Variants in MUC3A observed in about 807,000 individuals in gnomAD.
MUC3A encodes the protein mucin 3A, cell surface associated.
MUC3A carries 109 observed loss-of-function variants against 109.0 expected under a neutral mutation model. The observed-to-expected ratio is 1.00, with a 90% CI of 0.86 to 1.17. The LOEUF (loss-of-function observed/expected upper bound fraction) is 1.17, where lower values mean the gene tolerates loss of function less well. Among genes scored for constraint, MUC3A ranks in the 50% most tolerant of loss-of-function variants. The probability of loss-of-function intolerance (pLI) is 0.00; values close to 1 mark genes in which losing one functional copy is unlikely to be tolerated. For missense variants in MUC3A, 3,537 were observed against 2,469.4 expected, an observed-to-expected ratio of 1.43 and a Z score of -9.16; for synonymous variants, 1,398 against 981.4, an observed-to-expected ratio of 1.42 and a Z score of -7.93.
rs1302624661 is a variant in MUC3A at position 100,965,960 on chromosome 7, G to C, written c.9611+94G>C. The C allele has an allele frequency of 2.0e-6, 3 of 1,473,336 alleles. No homozygotes were observed. The African/African-American group carries it at 4.2e-5, about 21-fold the overall frequency. The allele number at this position is 1,473,336 out of a possible 1,614,324, so 91.3% of individuals were successfully genotyped here. A position where few individuals can be genotyped will look rare whatever the true frequency, so the allele number is the denominator to read the frequency against. Reference sequence around the variant, plus strand: ...ATGCTCCGCCCCGGCTCCGCGCCCTGGGCCTACAGTGGAGCCTCGTCCCCA... The same window carrying C: ...ATGCTCCGCCCCGGCTCCGCGCCCTCGGCCTACAGTGGAGCCTCGTCCCCA... On this transcript the variant is annotated intron_variant, in intron 8 of 11. Coordinates refer to ENST00000379458, the MANE Select transcript of MUC3A (RefSeq NM_005960.2).
intron 7 of MUC3A, 142 bp from the exon 8 acceptor site, chr7:100,965,562 C>T (rs1792504046): frequency 6.9e-7 from 1 of 1,450,890 alleles, no homozygotes; most frequent in Non-Finnish European, 9.2e-7. Context: ...GGCCTCCCCT[C>T]ATCGAATCCC....
rs760456981 is a variant in MUC3A, at chr7:100,952,568, C to G, written c.789C>G (p.Ile263Met). 3.8e-6 allele frequency: 6 copies of G among 1,598,484 alleles called. No individual in the cohort carries two copies. The African/African-American group carries it at 4.0e-5, about 11-fold the overall frequency. Residue 263 changes from isoleucine to methionine, a missense_variant, in exon 2 of 12, where the codon ATC becomes ATG. Ile to Met is a conservative substitution (Grantham distance 10, BLOSUM62 1). Coordinates refer to ENST00000379458, the MANE Select transcript of MUC3A (RefSeq NM_005960.2). Reference sequence around the variant, plus strand: ...CCACTTCCCCCATCACTTCTTCAATCACTTCCACAAATACAGTGACTTCTA... The same window carrying G: ...CCACTTCCCCCATCACTTCTTCAATGACTTCCACAAATACAGTGACTTCTA... ...VTSTSPITSS[I>M]TSTNTVTSMT...
chr7:100,958,634 C>T lies in MUC3A; in HGVS notation c.6855C>T (p.His2285=), dbSNP rs78805843. The change falls in exon 2 of 12, where the codon CAC becomes CAT. Residue 2285 remains histidine (H), a synonymous_variant. Transcript: ENST00000379458. ...TCACCACCAGTGAGACCCCCTCACA[C>T]AGTACTCCCAGCTCCACTTCTTTAA... ...SSITTSETPS[H]STPSSTSLIT... The T allele has an allele frequency of 3.3e-4, 401 of 1,210,012 alleles. 1 individual carries two copies. Among genetic ancestry groups the T allele is most frequent in the Non-Finnish European group, 4.2e-4 (393 of 946,370 alleles). 75.0% of individuals were successfully genotyped at this position (1,210,012 alleles called of 1,614,324 possible).
chr7:100,959,110 G>T lies in MUC3A; in HGVS notation c.7331G>T (p.Ser2444Ile). 1 of 1,241,968 alleles carries T rather than the reference G, an allele frequency of 8.1e-7. No individual in the cohort carries two copies. Among genetic ancestry groups the T allele is most frequent in the Non-Finnish European group, 1.0e-6 (1 of 993,420 alleles). The allele number at this position is 1,241,968 out of a possible 1,614,324, so 76.9% of individuals were successfully genotyped here. Residue 2444 changes from serine (S) to isoleucine (I), a missense_variant, in exon 2 of 12, where the codon AGT becomes ATT. Physicochemically the swap from Ser to Ile is moderately radical, Grantham distance 142. Coordinates refer to ENST00000379458, the MANE Select transcript of MUC3A (RefSeq NM_005960.2). ...ACCTCAGAGAGTACTCCCAGCCTCA[G>T]TTCTTCAACCATCTACTCCACAGTC... ...ETTSESTPSL[S>I]SSTIYSTVST... is the part of the protein sequence containing the mutation.
Position 100,952,959 on chromosome 7 carries a change from A to C in MUC3A, c.1180A>C (p.Ile394Leu). ...AAACTTGGTAACCACCACCACTGAG[A>C]TCTCCTCCCACAGTACTCCCAGCTT... ...MTNLVTTTTEISSHSTPSFSS... is the reference protein window; with the variant it reads ...MTNLVTTTTELSSHSTPSFSS... The change falls in exon 2 of 12, where the codon ATC becomes CTC. Residue 394 changes from isoleucine (I) to leucine (L), a missense_variant. Transcript: ENST00000379458. 2 of 1,565,618 alleles carry C rather than the reference A, an allele frequency of 1.3e-6. No individual in the cohort carries two copies. The highest frequency in any genetic ancestry group is 1.7e-6 in the Non-Finnish European group (2 of 1,165,284).
intron 3 of MUC3A, among the ~76,000 whole-genome samples, chr7:100,961,361 C>G: frequency 4.9e-5 from 1 of 20,614 alleles, no homozygotes; most frequent in African/African-American, 2.2e-4. Context: ...CATTTTTTTG[C>G]CCTTTGCAGC....
In MUC3A at chr7:100,959,520, C is replaced by T. The variant is rs1395723498; in HGVS notation, c.7741C>T (p.Pro2581Ser). ...TATACCTGAAACCCCAACACAGACC[C>T]CTCCTGTACTGACGTCAGCCACTGG... is the stretch of plus-strand genomic sequence containing the variant. Reference protein sequence around the residue: ...VVIPETPTQTPPVLTSATGTQ... With the variant: ...VVIPETPTQTSPVLTSATGTQ... Residue 2581 changes from proline (P) to serine (S), a missense_variant, in exon 2 of 12, where the codon CCT (proline) becomes TCT (serine). Physicochemically the swap from Pro to Ser is moderately conservative, Grantham distance 74. Transcript: ENST00000379458. The T allele has an allele frequency of 1.9e-6, 3 of 1,586,202 alleles. No individual in the cohort carries two copies. The highest frequency in any genetic ancestry group is 2.2e-5 in the East Asian group (1 of 44,810).
chr7:100,961,027 AC>A, intron 3 of MUC3A, 90 bp downstream of exon 3: 1 of 1,584,356 alleles, frequency 6.3e-7, no homozygotes, highest in South Asian at 1.1e-5. Context: ...GCCTGGAGGC[AC>A]CCATGCCTTT....
At chr7:100,963,865 G>T in intron 5 of MUC3A, 113 bp downstream of exon 5, 2 of 1,473,144 alleles carry the variant, frequency 1.4e-6, no homozygotes, top group Non-Finnish European at 1.8e-6. Context: ...AGGGGTGGAG[G>T]GGGTACATAA....
chr7:100,966,557 C>A lies in MUC3A; in HGVS notation c.9783C>A (p.Gly3261=). ...GATGGTGGGGCGGCCAGCGCCGAGG[C>A]CGGTGAGCGTGCGGGGGGCGGGGCC... ...RSGWWGGQRR[G]RSWDQDRKWF... Residue 3261 remains glycine (G), a splice_region_variant and synonymous_variant, in exon 9 of 12, where the codon GGC becomes GGA. Coordinates refer to ENST00000379458, the MANE Select transcript of MUC3A (RefSeq NM_005960.2). 2 of 1,437,940 alleles carry A rather than the reference C, an allele frequency of 1.4e-6. No individual in the cohort carries two copies. The highest frequency in any genetic ancestry group is 1.8e-6 in the Non-Finnish European group (2 of 1,102,338). The allele number at this position is 1,437,940 out of a possible 1,614,324, so 89.1% of individuals were successfully genotyped here.
At chr7:100,951,344 C>G (rs1015555957) in intron 1 of MUC3A, among the ~76,000 whole-genome samples, 3 of 152,300 alleles carry the variant, frequency 2.0e-5, no homozygotes, top group Non-Finnish European at 2.9e-5. Flanking sequence ...GCGCCCCCTG[C>G]CAGGACATGG....
Position 100,960,932 on chromosome 7 carries a change from A to G in MUC3A, c.9047A>G (p.Asp3016Gly). The G allele has an allele frequency of 1.3e-6, 2 of 1,598,542 alleles. No individual in the cohort carries two copies. The highest frequency in any genetic ancestry group is 1.7e-6 in the Non-Finnish European group (2 of 1,179,820). Reference protein sequence around the residue: ...SSCEFAVEQVDLDVVETEVGM... With the variant: ...SSCEFAVEQVGLDVVETEVGM... ...TGTGAGTTTGCTGTGGAACAGGTGGATCTAGGTGAGTTGCCAGAGCTATGC... is the reference window on the plus strand; with the variant it reads ...TGTGAGTTTGCTGTGGAACAGGTGGGTCTAGGTGAGTTGCCAGAGCTATGC... The change falls in exon 3 of 12, where the codon GAT becomes GGT. Residue 3016 changes from aspartate to glycine, a missense_variant. Asp to Gly is a moderately conservative substitution (Grantham distance 94). Coordinates refer to ENST00000379458, the MANE Select transcript of MUC3A (RefSeq NM_005960.2).
chr7:100,959,967 T>C lies in MUC3A; in HGVS notation c.8188T>C (p.Phe2730Leu). 2 of 1,507,568 alleles carry C rather than the reference T, an allele frequency of 1.3e-6. No individual in the cohort carries two copies. The highest frequency in any genetic ancestry group is 1.4e-5 in the African/African-American group (1 of 71,942). The allele number at this position is 1,507,568 out of a possible 1,614,324, so 93.4% of individuals were successfully genotyped here. A position where few individuals can be genotyped will look rare whatever the true frequency, so the allele number is the denominator to read the frequency against. ...ENVGSASITG[F>L]PSLSSSATTS... ...TGTGGGCTCCGCTTCTATCACAGGC[T>C]TTCCTAGTCTCTCTTCCTCTGCAAC... The change falls in exon 2 of 12, where the codon TTT becomes CTT. Residue 2730 changes from phenylalanine to leucine, a missense_variant. Physicochemically the swap from Phe to Leu is conservative, Grantham distance 22. Coordinates refer to ENST00000379458, the MANE Select transcript of MUC3A (RefSeq NM_005960.2).
Position 100,949,537 on chromosome 7 carries a change from T to G in MUC3A, c.-88T>G. On this transcript the variant is annotated 5_prime_UTR_variant, in exon 1 of 12. Transcript: ENST00000379458. ...CTCAGCAAAACCGATAACCAGCACTTTCATTACGTGCACGCCCCAGGGCCA... is the reference window on the plus strand; with the variant it reads ...CTCAGCAAAACCGATAACCAGCACTGTCATTACGTGCACGCCCCAGGGCCA... 7.9e-7 allele frequency: 1 copy of G among 1,261,710 alleles called. No homozygotes were observed. Among genetic ancestry groups the G allele is most frequent in the Non-Finnish European group, 1.0e-6 (1 of 963,484 alleles). The allele number at this position is 1,261,710 out of a possible 1,614,324, so 78.2% of individuals were successfully genotyped here.
chr7:100,960,842 G>A lies in MUC3A; in HGVS notation c.8957G>A (p.Cys2986Tyr), dbSNP rs771795144. The part of the protein sequence containing the change: ...SGDRCQLQTR[C>Y]QNGGQWDGLK... ...GACCGCTGTCAGCTCCAGACCAGAT[G>A]CCAGAATGGGGGTCAGTGGGATGGC... The change falls in exon 3 of 12, where the codon TGC becomes TAC. Residue 2986 changes from cysteine (C) to tyrosine (Y), a missense_variant. Coordinates refer to ENST00000379458, the MANE Select transcript of MUC3A (RefSeq NM_005960.2). 1.2e-5 allele frequency: 19 copies of A among 1,598,408 alleles called. No homozygotes were observed. In the East Asian group the frequency reaches 3.8e-4, roughly 32 times the overall value.
In MUC3A at chr7:100,958,567, C is replaced by CCGAGACCACA; in HGVS notation, c.6788_6789insCGAGACCACA (p.Ser2267Ter). ...AGCTTCACTTCTTCGATCACCACCA[C>CCGAGACCACA]TGAGACCACCTCACATGATACTCCC... On this transcript the variant is annotated frameshift_variant, in exon 2 of 12. Coordinates refer to ENST00000379458, the MANE Select transcript of MUC3A (RefSeq NM_005960.2). LOFTEE classifies it high-confidence loss of function. 1 of 1,433,864 alleles carries CCGAGACCACA rather than the reference C, an allele frequency of 7.0e-7. No individual in the cohort carries two copies. The highest frequency in any genetic ancestry group is 9.7e-7 in the Non-Finnish European group (1 of 1,033,616). 88.8% of individuals were successfully genotyped at this position (1,433,864 alleles called of 1,614,324 possible). A position where few individuals can be genotyped will look rare whatever the true frequency, so the allele number is the denominator to read the frequency against.
In MUC3A at chr7:100,952,327, CG is replaced by C. The variant is rs1460152513; in HGVS notation, c.549del (p.Ser184GlnfsTer3). 1.3e-6 allele frequency: 2 copies of C among 1,597,606 alleles called. No homozygotes were observed. The highest frequency in any genetic ancestry group is 1.7e-5 in the Admixed American group (1 of 59,930). ...TYSMTTTEKG[T>X]SAMTSSPSTT... Reference sequence around the variant, plus strand: ...TCTATGACCACTACTGAGAAAGGAACGTCAGCCATGACATCTTCTCCCTCTA... The same window carrying C: ...TCTATGACCACTACTGAGAAAGGAACTCAGCCATGACATCTTCTCCCTCTA... On this transcript the variant is annotated frameshift_variant, in exon 2 of 12. Coordinates refer to ENST00000379458, the MANE Select transcript of MUC3A (RefSeq NM_005960.2). LOFTEE classifies it high-confidence loss of function.
rs1428095659 is a variant in MUC3A, at chr7:100,963,603, G to A, written c.9169-85G>A. 3 of 1,590,104 alleles carry A rather than the reference G, an allele frequency of 1.9e-6. No homozygotes were observed. The African/African-American group carries it at 4.0e-5, about 21-fold the overall frequency. ...CCCGGCCGGGGAGGGGAATTGAAGG[G>A]TCTTCCCTGGAGCTGGGGTTGGGCG... On this transcript the variant is annotated intron_variant, in intron 4 of 11. Coordinates refer to ENST00000379458, the MANE Select transcript of MUC3A (RefSeq NM_005960.2).
chr7:100,951,186 G>C, intron 1 of MUC3A, among the ~76,000 whole-genome samples: 1 of 141,142 alleles, frequency 7.1e-6, no homozygotes, highest in African/African-American at 2.6e-5. Context: ...AGTAGAGAAA[G>C]GGTTTCACCA....
Sources: allele counts gnomAD v4.1 joint callset (sites outside exome capture counted in the v4.1 genomes callset), GRCh38; gene constraint gnomAD v4.1.1; transcripts MANE v1.5; gene names NCBI Gene and HGNC (gene_info 2026-07-23, HGNC 2026-07-21).